Variants in PRIM2 observed in about 807,000 individuals in gnomAD.
PRIM2 encodes DNA primase subunit 2.
Under a neutral mutation model 67.3 loss-of-function variants are expected in PRIM2, and 39 were observed. The observed-to-expected ratio is 0.58, with a 90% CI of 0.45 to 0.76. PRIM2 has a LOEUF of 0.76. PRIM2 is among the 30% of genes least tolerant of loss of function. PRIM2 has a pLI of 0.00. For missense variants in PRIM2, 398 were observed against 598.7 expected (o/e 0.66, Z 3.50); for synonymous variants, 143 against 198.7 (o/e 0.72, Z 2.36).
intron 12 of PRIM2, among the ~76,000 whole-genome samples, chr6:57,618,628 G>A (rs1405727510): frequency 6.6e-6 from 1 of 152,184 alleles, no homozygotes; most frequent in African/African-American, 2.4e-5. Flanking sequence ...TTGCATGGGA[G>A]CTGGGTGAGG....
chr6:57,391,855 G>A (rs1382896965), intron 7 of PRIM2, among the ~76,000 whole-genome samples: 4 of 152,042 alleles, frequency 2.6e-5, no homozygotes, highest in Non-Finnish European at 5.9e-5. Context: ...CTCTTTTTTA[G>A]TTTCATATGA....
chr6:57,255,040 C>A, the PRIM2 span, among the ~76,000 whole-genome samples: 14 of 152,142 alleles, frequency 9.2e-5, no homozygotes, highest in Non-Finnish European at 1.6e-4. Flanking sequence ...TTTCCCAGTT[C>A]GTCTGCCTCT....
chr6:57,312,623 A>C (rs1011274888), upstream of PRIM2, among the ~76,000 whole-genome samples: 2 of 152,252 alleles, frequency 1.3e-5, no homozygotes, highest in East Asian at 3.8e-4. Context: ...TAAAATATAC[A>C]TAACACAAAA....
intron 12 of PRIM2, among the ~76,000 whole-genome samples, chr6:57,619,692 C>T (rs1182341485): frequency 6.6e-5 from 10 of 151,944 alleles, no homozygotes; most frequent in East Asian, 1.9e-4. Flanking sequence ...ACAAGGTGTT[C>T]GAATTAACCC....
At chr6:57,223,686 G>T in the PRIM2 span, among the ~76,000 whole-genome samples, 10 of 152,038 alleles carry the variant, frequency 6.6e-5, no homozygotes, top group African/African-American at 2.4e-4. Context: ...TCCAAAGAAG[G>T]TATACAAATG....
At chr6:57,238,367 C>T in the PRIM2 span, among the ~76,000 whole-genome samples, 4 of 152,206 alleles carry the variant, frequency 2.6e-5, no homozygotes, top group African/African-American at 9.6e-5. Context: ...AACTGTCTCT[C>T]AGACCACAGT....
chr6:57,561,587 A>T (rs1258511620), intron 10 of PRIM2, among the ~76,000 whole-genome samples: 2 of 152,158 alleles, frequency 1.3e-5, no homozygotes, highest in Admixed American at 6.6e-5. Flanking sequence ...CCTTCACAGA[A>T]TTGAAGAGAG....
At chr6:57,350,938 C>A (rs6459196) in intron 5 of PRIM2, among the ~76,000 whole-genome samples, 1 of 151,456 alleles carries the variant, frequency 6.6e-6, no homozygotes, top group Non-Finnish European at 1.5e-5. Flanking sequence ...TACTAAAAAG[C>A]AGTTTGTCAT....
At chr6:57,564,088 T>C (rs1775691564) in intron 10 of PRIM2, among the ~76,000 whole-genome samples, 1 of 152,002 alleles carries the variant, frequency 6.6e-6, no homozygotes, top group Non-Finnish European at 1.5e-5. Context: ...TTTAAAGGAG[T>C]GATGTAGTTT....
intron 10 of PRIM2, among the ~76,000 whole-genome samples, chr6:57,540,060 TC>T (rs1775115437): frequency 6.6e-6 from 1 of 152,034 alleles, no homozygotes; most frequent in Non-Finnish European, 1.5e-5. Context: ...AAATGACTGT[TC>T]AGAAAGGTTT....
intron 12 of PRIM2, among the ~76,000 whole-genome samples, chr6:57,608,016 T>C (rs1478926761): frequency 1.6e-4 from 25 of 152,050 alleles, no homozygotes; most frequent in African/African-American, 3.4e-4. Flanking sequence ...TTTTTTTTTT[T>C]CCCTGAACTC....
chr6:57,610,530 C>T (rs1403333084), intron 12 of PRIM2, among the ~76,000 whole-genome samples: 84,370 of 151,256 alleles, frequency 0.56, 24,700 homozygotes, highest in African/African-American at 0.74. Context: ...TGAAAATTAA[C>T]GAGCTTGGTA....
chr6:57,251,934 C>G, the PRIM2 span, among the ~76,000 whole-genome samples: 1 of 152,168 alleles, frequency 6.6e-6, no homozygotes, highest in Non-Finnish European at 1.5e-5. Context: ...TAATTATTCT[C>G]AAGTTCTGAA....
At chr6:57,347,295 T>C (rs1051645958) in intron 5 of PRIM2, among the ~76,000 whole-genome samples, 2 of 152,328 alleles carry the variant, frequency 1.3e-5, no homozygotes, top group African/African-American at 2.4e-5. Flanking sequence ...GAATATTTAT[T>C]GATGACTGTA....
intron 5 of PRIM2, among the ~76,000 whole-genome samples, chr6:57,332,632 A>AT (rs1768090658): frequency 6.6e-6 from 1 of 152,020 alleles, no homozygotes; most frequent in African/African-American, 2.4e-5. Context: ...CTCTAGTAAC[A>AT]TTTTTTTGTT....
intron 8 of PRIM2, among the ~76,000 whole-genome samples, chr6:57,512,553 G>A (rs1197563017): frequency 1.3e-5 from 2 of 152,038 alleles, no homozygotes; most frequent in Non-Finnish European, 2.9e-5. Context: ...GTTGGTGATG[G>A]AGCCTCATGA....
chr6:57,445,056 A>C (rs1772321043), intron 7 of PRIM2, among the ~76,000 whole-genome samples: 1 of 152,194 alleles, frequency 6.6e-6, no homozygotes, highest in Non-Finnish European at 1.5e-5. Context: ...GTGTTGTGTG[A>C]TAGATATAAT....
the PRIM2 span, among the ~76,000 whole-genome samples, chr6:57,271,254 G>A: frequency 6.6e-6 from 1 of 152,116 alleles, no homozygotes; most frequent in Admixed American, 6.6e-5. Context: ...AATCCATCTG[G>A]TCCTGGACTT....
chr6:57,405,906 C>T (rs1336513136), intron 7 of PRIM2, among the ~76,000 whole-genome samples: 4 of 152,232 alleles, frequency 2.6e-5, no homozygotes, highest in African/African-American at 9.7e-5. Context: ...ATCATCAGTA[C>T]CACCATCATC....
Sources: allele counts gnomAD v4.1 joint callset (sites outside exome capture counted in the v4.1 genomes callset), GRCh38; gene constraint gnomAD v4.1.1; transcripts MANE v1.5; gene names NCBI Gene and HGNC (gene_info 2026-07-23, HGNC 2026-07-21).